The following TENM3 variants were observed in gnomAD, a reference collection of about 807,000 sequenced individuals.
TENM3 encodes the protein teneurin-3.
TENM3 carries 63 observed loss-of-function variants against 255.1 expected under a neutral mutation model. That is an observed-to-expected ratio of 0.25 (90% CI 0.20 to 0.30). TENM3 has a LOEUF of 0.30. Among genes scored for constraint, TENM3 ranks in the 10% least tolerant of loss-of-function variants. The pLI, the probability that TENM3 is intolerant of heterozygous loss-of-function variation, is 1.00. For missense variants in TENM3, 2,929 were observed against 3,461.1 expected (o/e 0.85, Z 3.86); for synonymous variants, 1,306 against 1,322.3 (o/e 0.99, Z 0.27).
chr4:181,676,029 G>C, the TENM3 span, among the ~76,000 whole-genome samples: 1 of 152,010 alleles, frequency 6.6e-6, no homozygotes, highest in Non-Finnish European at 1.5e-5. Flanking sequence ...TTGTCCAATA[G>C]AACCATTACT....
At chr4:182,082,285 A>T in the TENM3 span, among the ~76,000 whole-genome samples, 3 of 151,982 alleles carry the variant, frequency 2.0e-5, no homozygotes, top group African/African-American at 7.3e-5. Flanking sequence ...GCTCTCTAGG[A>T]TCTCTTTTAT....
At chr4:182,548,635 T>TA (rs1741695606) in intron 3 of TENM3, 4 of 152,158 alleles carry the variant, frequency 2.6e-5, no homozygotes, top group South Asian at 2.1e-4. Context: ...CTCCAATACT[T>TA]ACAACAGACA....
At chr4:181,734,217 A>C in the TENM3 span, among the ~76,000 whole-genome samples, 1 of 152,286 alleles carries the variant, frequency 6.6e-6, no homozygotes, top group Non-Finnish European at 1.5e-5. Context: ...AAGACTGAAT[A>C]GGTAAAAATG....
chr4:181,909,714 A>G, the TENM3 span, among the ~76,000 whole-genome samples: 1 of 152,192 alleles, frequency 6.6e-6, no homozygotes, highest in African/African-American at 2.4e-5. Flanking sequence ...TCTACACGCT[A>G]GGTGTTCGAG....
intron 3 of TENM3, among the ~76,000 whole-genome samples, chr4:182,454,724 A>G (rs1219689913): frequency 6.6e-6 from 1 of 152,094 alleles, no homozygotes; most frequent in African/African-American, 2.4e-5. Context: ...TATGGCCAAG[A>G]TTTTCCTTGT....
the TENM3 span, among the ~76,000 whole-genome samples, chr4:181,474,741 A>AAC: frequency 5.0e-3 from 743 of 149,628 alleles, 3 homozygotes; most frequent in Admixed American, 0.016. Flanking sequence ...TCTCAAAACA[A>AAC]AAAAAAAAAA....
At chr4:182,492,344 T>C (rs1735379447) in intron 3 of TENM3, among the ~76,000 whole-genome samples, 1 of 152,182 alleles carries the variant, frequency 6.6e-6, no homozygotes, top group Non-Finnish European at 1.5e-5. Context: ...TAATGAGATA[T>C]ACGGGATGGT....
chr4:182,798,367 T>G (rs4365765), intron 27 of TENM3, among the ~76,000 whole-genome samples: 46,689 of 152,100 alleles, frequency 0.31, 9,433 homozygotes, highest in African/African-American at 0.58. Context: ...TACCATGGTG[T>G]TACAGTTGCC....
In TENM3 at chr4:182,730,179, ATTC is replaced by A. The variant is rs771620105; in HGVS notation, c.2586-16_2586-14del. On this transcript the variant is annotated intron_variant, in intron 14 of 27. Transcript: ENST00000511685. ...CCTGAAAAGACAGATGTTCATTCTC[ATTC>A]TTCTGCTTTTCCAACAGCCTTGCAT... is the stretch of plus-strand genomic sequence containing the variant. 5 of 1,613,216 alleles carry A rather than the reference ATTC, an allele frequency of 3.1e-6. No homozygotes were observed. The South Asian group carries it at 4.4e-5, about 14-fold the overall frequency.
chr4:182,198,349 C>T (rs1753960022), intron 1 of TENM3, among the ~76,000 whole-genome samples: 1 of 152,182 alleles, frequency 6.6e-6, no homozygotes, highest in East Asian at 1.9e-4. Context: ...AATCAGATTA[C>T]TTTTACTGAG....
chr4:181,664,786 C>T, the TENM3 span, among the ~76,000 whole-genome samples: 3 of 152,182 alleles, frequency 2.0e-5, no homozygotes, highest in African/African-American at 7.2e-5. Context: ...TTGGGCTGTG[C>T]AAGCTGCACA....
chr4:181,876,834 A>G, the TENM3 span, among the ~76,000 whole-genome samples: 1 of 152,228 alleles, frequency 6.6e-6, no homozygotes, highest in Admixed American at 6.5e-5. Context: ...ATATTCATAG[A>G]TTGTATTCTC....
chr4:181,930,981 A>G, the TENM3 span, among the ~76,000 whole-genome samples: 4 of 152,072 alleles, frequency 2.6e-5, no homozygotes, highest in Non-Finnish European at 5.9e-5. Flanking sequence ...CATGCTAAAA[A>G]CTCTCAATAA....
chr4:181,974,653 T>G, the TENM3 span, among the ~76,000 whole-genome samples: 1 of 152,138 alleles, frequency 6.6e-6, no homozygotes, highest in African/African-American at 2.4e-5. Context: ...AATAACGGGT[T>G]CAAAGTCAGA....
the TENM3 span, among the ~76,000 whole-genome samples, chr4:182,091,012 G>C: frequency 1.3e-5 from 2 of 152,108 alleles, no homozygotes. Flanking sequence ...TAACAATATT[G>C]AGTTATAAAA....
rs538448065 is a variant in TENM3, at chr4:182,437,476, T to C, written c.511+90547T>C. Among the ~76,000 whole-genome samples, 16 of 119,364 alleles carry C rather than the reference T, an allele frequency of 1.3e-4. No homozygotes were observed. In the East Asian group the frequency reaches 4.1e-3, roughly 30 times the overall value. The allele number at this position is 119,364 out of a possible 152,430, so 78.3% of individuals were successfully genotyped here. A position where few individuals can be genotyped will look rare whatever the true frequency, so the allele number is the denominator to read the frequency against. On this transcript the variant is annotated intron_variant, in intron 3 of 27. Coordinates refer to ENST00000511685, the MANE Select transcript of TENM3 (RefSeq NM_001080477.4). Reference sequence around the variant, plus strand: ...TCAGCCTGGGCAACATGGCAAAACCTTGTCTCTACAAAAAATACAAAAAAA... The same window carrying C: ...TCAGCCTGGGCAACATGGCAAAACCCTGTCTCTACAAAAAATACAAAAAAA...
At chr4:181,872,370 T>C in the TENM3 span, among the ~76,000 whole-genome samples, 120 of 148,938 alleles carry the variant, frequency 8.1e-4, 1 homozygote, top group South Asian at 7.1e-3. Flanking sequence ...GTTCGTTACA[T>C]AGGTAAACTT....
intron 3 of TENM3, among the ~76,000 whole-genome samples, chr4:182,544,097 A>C (rs1037319215): frequency 5.3e-5 from 8 of 152,210 alleles, no homozygotes; most frequent in African/African-American, 1.9e-4. Flanking sequence ...GTGAGTTATC[A>C]GATTTCAGTT....
At chr4:181,463,175 C>T in the TENM3 span, among the ~76,000 whole-genome samples, 18 of 152,180 alleles carry the variant, frequency 1.2e-4, no homozygotes, top group South Asian at 2.1e-4. Flanking sequence ...CTTTTTTATG[C>T]AATTTCTTCC....
Sources: allele counts gnomAD v4.1 joint callset (sites outside exome capture counted in the v4.1 genomes callset), GRCh38; gene constraint gnomAD v4.1.1; transcripts MANE v1.5; gene names NCBI Gene and HGNC (gene_info 2026-07-23, HGNC 2026-07-21).